SCRN1: variants seen among roughly 807,000 people sequenced by gnomAD.
The protein encoded by SCRN1 is secernin 1.
SCRN1 carries 19 observed loss-of-function variants against 43.3 expected under a neutral mutation model. The observed-to-expected ratio is 0.44, with a 90% CI of 0.31 to 0.64. The LOEUF (loss-of-function observed/expected upper bound fraction) is 0.64, where lower values mean the gene tolerates loss of function less well. Ranked by LOEUF, SCRN1 falls within the 30% of genes least tolerant of loss-of-function variation. SCRN1 has a pLI of 0.09. For synonymous variants in SCRN1, 183 were observed against 188.9 expected, an observed-to-expected ratio of 0.97 and a Z score of 0.26; for missense variants, 447 against 524.1, an observed-to-expected ratio of 0.85 and a Z score of 1.44.
intron 1 of SCRN1, among the ~76,000 whole-genome samples, chr7:29,985,874 A>G (rs1332055563): frequency 1.3e-5 from 2 of 152,166 alleles, no homozygotes; most frequent in Non-Finnish European, 2.9e-5. Flanking sequence ...TTCTCCTTAC[A>G]TACCCAGTTC....
At chr7:29,934,617 C>T (rs1217528264) in intron 6 of SCRN1, among the ~76,000 whole-genome samples, 3 of 152,188 alleles carry the variant, frequency 2.0e-5, no homozygotes, top group Admixed American at 6.5e-5. Flanking sequence ...GAGGGAGGCC[C>T]AGACACAAAG....
intron 1 of SCRN1, among the ~76,000 whole-genome samples, chr7:29,980,655 G>C (rs1309831851): frequency 3.9e-5 from 6 of 152,050 alleles, no homozygotes; most frequent in Admixed American, 3.9e-4. Context: ...AATCTTGCTG[G>C]TCCAAAAACA....
chr7:29,981,619 C>T lies in SCRN1; in HGVS notation c.-2+8023G>A, dbSNP rs536282603. Among the ~76,000 whole-genome samples the T allele has an allele frequency of 3.3e-5, 5 of 152,322 alleles. No homozygotes were observed. In the East Asian group the frequency reaches 9.6e-4, roughly 29 times the overall value. ...GAAGTTCAAGTTGGGAGGCCCCAGG[C>T]TCTCTATCTACTAGCCTGACTGAGT... is the stretch of plus-strand genomic sequence containing the variant. On this transcript the variant is annotated intron_variant, in intron 1 of 7. Coordinates refer to ENST00000242059, the MANE Select transcript of SCRN1 (RefSeq NM_014766.5).
chr7:29,974,951 G>A (rs890846990), intron 1 of SCRN1, among the ~76,000 whole-genome samples: 1 of 151,954 alleles, frequency 6.6e-6, no homozygotes, highest in Non-Finnish European at 1.5e-5. Flanking sequence ...CAAAGTGCTG[G>A]GATTACAGGC....
intron 1 of SCRN1, among the ~76,000 whole-genome samples, chr7:29,971,744 G>A (rs752892831): frequency 6.6e-6 from 1 of 151,876 alleles, no homozygotes; most frequent in Non-Finnish European, 1.5e-5. Flanking sequence ...TTCCTAATTA[G>A]AGCAGTTACC....
intron 1 of SCRN1, among the ~76,000 whole-genome samples, chr7:29,982,708 ATGGTGAAG>A (rs1176011514): frequency 6.8e-6 from 1 of 146,144 alleles, no homozygotes; most frequent in Non-Finnish European, 1.5e-5. Context: ...AAAAAAAAGA[ATGGTGAAG>A]TGGTGAAGTA....
Position 29,920,509 on chromosome 7 carries a change from A to G in SCRN1, c.*3448T>C, listed in dbSNP as rs1032971191. On this transcript the variant is annotated 3_prime_UTR_variant, in exon 8 of 8. Coordinates refer to ENST00000242059, the MANE Select transcript of SCRN1 (RefSeq NM_014766.5). ...AAGCATAAGCTTGTGCTGCAACGGCATGTGCACATGACCTGCTGCTCCTGG... is the reference window on the plus strand; with the variant it reads ...AAGCATAAGCTTGTGCTGCAACGGCGTGTGCACATGACCTGCTGCTCCTGG... 1 of 152,326 alleles carries G rather than the reference A, an allele frequency of 6.6e-6. No homozygotes were observed. The highest frequency in any genetic ancestry group is 6.5e-5 in the Admixed American group (1 of 15,280). 9.4% of individuals were successfully genotyped at this position (152,326 alleles called of 1,614,324 possible).
chr7:29,941,877 G>A (rs1787568766), intron 4 of SCRN1, among the ~76,000 whole-genome samples: 1 of 152,226 alleles, frequency 6.6e-6, no homozygotes, highest in Non-Finnish European at 1.5e-5. Flanking sequence ...CCTATTTGCT[G>A]CTTCCAGGGA....
upstream of SCRN1, chr7:29,989,997 C>T (rs1415043471): frequency 2.1e-6 from 3 of 1,416,678 alleles, no homozygotes; most frequent in Non-Finnish European, 1.8e-6. Flanking sequence ...GGGCGTATCT[C>T]GCCGCAGAAA....
chr7:29,980,752 G>T (rs1438226843), intron 1 of SCRN1, among the ~76,000 whole-genome samples: 2 of 152,110 alleles, frequency 1.3e-5, no homozygotes, highest in East Asian at 1.9e-4. Context: ...AGAGCTACTT[G>T]TTGTGTTTTA....
rs937984380 is a variant in SCRN1 at position 29,923,894 on chromosome 7, G to C, written c.*63C>G. The C allele has an allele frequency of 1.3e-6, 2 of 1,516,572 alleles. No homozygotes were observed. The highest frequency in any genetic ancestry group is 1.8e-6 in the Non-Finnish European group (2 of 1,123,976). The allele number at this position is 1,516,572 out of a possible 1,614,324, so 93.9% of individuals were successfully genotyped here. A position where few individuals can be genotyped will look rare whatever the true frequency, so the allele number is the denominator to read the frequency against. On this transcript the variant is annotated 3_prime_UTR_variant, in exon 8 of 8. Coordinates refer to ENST00000242059, the MANE Select transcript of SCRN1 (RefSeq NM_014766.5). ...TTTTACTCAAACAGGAGAGTGGTTT[G>C]TTTTGCTGGTAATTTAGTAAGGTGG...
intron 6 of SCRN1, among the ~76,000 whole-genome samples, chr7:29,933,254 A>C (rs887694919): frequency 6.6e-6 from 1 of 152,028 alleles, no homozygotes; most frequent in South Asian, 2.1e-4. Flanking sequence ...TAACAACTAT[A>C]TCTCTGAAAA....
At chr7:29,968,785 TCAG>T in intron 2 of SCRN1, 121 bp downstream of exon 2, 7 of 1,186,590 alleles carry the variant, frequency 5.9e-6, no homozygotes, top group Non-Finnish European at 8.5e-6. Flanking sequence ...GAAACAGGAA[TCAG>T]CAGAACTGAC....
At chr7:29,966,966 A>C (rs1307545488) in intron 2 of SCRN1, among the ~76,000 whole-genome samples, 1 of 152,166 alleles carries the variant, frequency 6.6e-6, no homozygotes, top group East Asian at 1.9e-4. Context: ...TACACATTGG[A>C]TGTAATGGAA....
At chr7:29,971,056 G>T (rs1392104258) in intron 1 of SCRN1, among the ~76,000 whole-genome samples, 1 of 152,062 alleles carries the variant, frequency 6.6e-6, no homozygotes, top group African/African-American at 2.4e-5. Flanking sequence ...ACCAACTATT[G>T]TATTTGTGTC....
chr7:29,943,271 G>A (rs953894401), intron 4 of SCRN1, among the ~76,000 whole-genome samples: 5 of 152,028 alleles, frequency 3.3e-5, no homozygotes, highest in Non-Finnish European at 7.4e-5. Flanking sequence ...AGTTCTCTTC[G>A]AAGCCCTTTA....
At chr7:29,968,008 T>C (rs1177322863) in intron 2 of SCRN1, among the ~76,000 whole-genome samples, 1 of 152,226 alleles carries the variant, frequency 6.6e-6, no homozygotes, top group East Asian at 1.9e-4. Context: ...TAAAATTACA[T>C]TTTTATTTAC....
chr7:29,984,170 C>A (rs1350328776), intron 1 of SCRN1, among the ~76,000 whole-genome samples: 1 of 142,014 alleles, frequency 7.0e-6, no homozygotes, highest in Non-Finnish European at 1.5e-5. Context: ...TGCACCACTG[C>A]ACTCCAGCCT....
intron 5 of SCRN1, among the ~76,000 whole-genome samples, chr7:29,937,497 T>G (rs1225424056): frequency 1.3e-5 from 2 of 152,186 alleles, no homozygotes; most frequent in African/African-American, 4.8e-5. Flanking sequence ...TGTTACAGCA[T>G]TTAGCTGTAC....
Sources: gnomAD v4.1 joint callset for allele counts (sites outside exome capture counted in the v4.1 genomes callset) on GRCh38, gnomAD v4.1.1 for gene constraint, MANE v1.5 for transcripts, NCBI Gene and HGNC (gene_info 2026-07-23, HGNC 2026-07-21) for gene names.